The following TTC34 variants were observed in gnomAD, a reference collection of about 807,000 sequenced individuals.
TTC34 encodes tetratricopeptide repeat protein 34.
Under a neutral mutation model 40.7 loss-of-function variants are expected in TTC34, and 44 were observed. That is an observed-to-expected ratio of 1.08 (90% confidence interval 0.85 to 1.39). TTC34 has a LOEUF of 1.39. TTC34 is among the 40% of genes most tolerant of loss of function. The probability of loss-of-function intolerance (pLI) is 0.00; values close to 1 mark genes in which losing one functional copy is unlikely to be tolerated. For synonymous variants in TTC34, 422 were observed against 398.6 expected (o/e 1.06, Z -0.70); for missense variants, 884 against 838.0 (o/e 1.05, Z -0.68).
At chr1:2,790,371 G>T in intron 2 of TTC34, 25 bp from the exon 3 acceptor site, 1 of 398,566 alleles carries the variant, frequency 2.5e-6, no homozygotes, top group Non-Finnish European at 4.4e-6. Flanking sequence ...AGAGGCGTGG[G>T]TTCTGCCTGG....
chr1:2,798,694 C>T (rs1485991264), intron 2 of TTC34, among the ~76,000 whole-genome samples: 3 of 128,772 alleles, frequency 2.3e-5, no homozygotes, highest in Admixed American at 2.3e-4. Context: ...AGCTCCCCAG[C>T]CCCCCAGCGT....
intron 6 of TTC34, among the ~76,000 whole-genome samples, chr1:2,756,508 C>CA (rs1641510985): frequency 1.5e-4 from 22 of 146,970 alleles, no homozygotes; most frequent in African/African-American, 3.8e-4. Flanking sequence ...CATCCTGCAC[C>CA]CCAGGGTGAG....
chr1:2,698,763 C>T (rs1371092318), intron 6 of TTC34, among the ~76,000 whole-genome samples: 15 of 149,372 alleles, frequency 1.0e-4, no homozygotes, highest in African/African-American at 3.0e-4. Flanking sequence ...GAGCAGGACC[C>T]ACACCCCCAG....
intron 6 of TTC34, among the ~76,000 whole-genome samples, chr1:2,691,451 C>A (rs565421920): frequency 1.1e-5 from 1 of 93,006 alleles, no homozygotes; most frequent in East Asian, 3.1e-4. Flanking sequence ...CAACCTGGAG[C>A]AGCACCCACA....
At chr1:2,749,724 A>T (rs1240641727) in intron 6 of TTC34, among the ~76,000 whole-genome samples, 1 of 23,142 alleles carries the variant, frequency 4.3e-5, no homozygotes, top group East Asian at 1.6e-3. Context: ...AGCACGCACA[A>T]CCCCAGGTGA....
Position 2,759,476 on chromosome 1 carries a change from C to A in TTC34, c.2226+24133G>T, listed in dbSNP as rs1438999154. 3.0e-4 allele frequency among the ~76,000 whole-genome samples: 35 copies of A among 115,838 alleles called. 2 individuals are homozygous for A. The highest frequency in any genetic ancestry group is 1.3e-3 in the African/African-American group (35 of 27,012). 76.0% of individuals were successfully genotyped at this position (115,838 alleles called of 152,430 possible). A position where few individuals can be genotyped will look rare whatever the true frequency, so the allele number is the denominator to read the frequency against. On this transcript the variant is annotated intron_variant, in intron 6 of 8. Coordinates refer to ENST00000401095, the Ensembl canonical transcript of TTC34. ...TCTGACAGCCTGGAGCAGCACCCCA[C>A]ACCCCCAGGTGAGCATCGGGCAGCC...
At position 2,645,454 on chromosome 1, in the gene TTC34, T is replaced by C. The variant is rs1427418043; in HGVS notation, c.2336A>G (p.Tyr779Cys). The C allele has an allele frequency of 1.3e-6, 2 of 1,534,598 alleles. No individual in the cohort carries two copies. The highest frequency in any genetic ancestry group is 2.5e-5 in the East Asian group (1 of 40,814). ...GCTCAGAAGGGCCCGGCAGTGGGAG[T>C]AGAGGCCCTGTGTGATGAGGGCCTG... The change falls in exon 7 of 9, where the codon TAC becomes TGC. Residue 779 changes from tyrosine to cysteine, a missense_variant. Physicochemically the swap from Tyr to Cys is radical, Grantham distance 194 (BLOSUM62 -2). Transcript: ENST00000401095. This position sits in a 1 kb window ranked among gnomAD's most constrained non-coding sequence, Gnocchi z 4.7.
intron 6 of TTC34, among the ~76,000 whole-genome samples, chr1:2,688,203 C>T (rs1441017610): frequency 2.4e-3 from 339 of 139,156 alleles, no homozygotes; most frequent in African/African-American, 8.5e-3. Flanking sequence ...GAGCAGCACC[C>T]CACACCCCCA....
chr1:2,782,183 T>G (rs1307236086), intron 6 of TTC34, among the ~76,000 whole-genome samples: 1 of 152,244 alleles, frequency 6.6e-6, no homozygotes, highest in African/African-American at 2.4e-5. Context: ...TTTTTACTAG[T>G]TATAGGTCTA....
At chr1:2,671,260 AGCCT>A (rs1416172334) in intron 6 of TTC34, among the ~76,000 whole-genome samples, 1 of 2,542 alleles carries the variant, frequency 3.9e-4, no homozygotes, top group African/African-American at 9.4e-4. Context: ...CTGTAACAGC[AGCCT>A]GCACCCCCAG....
At chr1:2,640,275 A>C (rs889696087) in exon 9 of TTC34, 43 of 152,348 alleles carry the variant, frequency 2.8e-4, no homozygotes, top group African/African-American at 1.0e-3. Context: ...CTGAGGCCTC[A>C]GTCTGTGACA....
chr1:2,691,703 T>C (rs1049933937), intron 6 of TTC34, among the ~76,000 whole-genome samples: 408 of 36,294 alleles, frequency 0.011, no homozygotes, highest in East Asian at 0.013. Context: ...AGCACCCACA[T>C]CCCCAGGTGA....
intron 6 of TTC34, among the ~76,000 whole-genome samples, chr1:2,652,354 C>A (rs200339338): frequency 4.7e-4 from 5 of 10,666 alleles, no homozygotes; most frequent in East Asian, 5.6e-3. Flanking sequence ...TATCCTGGAA[C>A]AGCACGCACA....
At chr1:2,759,892 C>A (rs1220209705) in intron 6 of TTC34, among the ~76,000 whole-genome samples, 1 of 57,208 alleles carries the variant, frequency 1.7e-5, no homozygotes, top group Admixed American at 1.7e-4. Flanking sequence ...CTCAGGTGAG[C>A]ATCTGACAGC....
intron 5 of TTC34, among the ~76,000 whole-genome samples, chr1:2,785,129 C>T: frequency 6.6e-6 from 1 of 152,254 alleles, no homozygotes; most frequent in Non-Finnish European, 1.5e-5. Context: ...CGCTGCCATC[C>T]CCCTTTGGGA....
chr1:2,688,936 C>T lies in TTC34; in HGVS notation c.2227-43373G>A, dbSNP rs538620939. The stretch of plus-strand genomic sequence containing the variant: ...CAGCCTGGAGCAGCACCCACATCCC[C>T]AGGTGAGCATCTGACAGCCTGGAAC... On this transcript the variant is annotated intron_variant, in intron 6 of 8. Coordinates refer to ENST00000401095, the Ensembl canonical transcript of TTC34. 3.8e-5 allele frequency among the ~76,000 whole-genome samples: 2 copies of T among 53,256 alleles called. 1 individual carries two copies. Among genetic ancestry groups the T allele is most frequent in the South Asian group, 1.3e-3 (2 of 1,600 alleles). 34.9% of individuals were successfully genotyped at this position (53,256 alleles called of 152,430 possible).
chr1:2,784,610 G>A (rs1434349978), intron 5 of TTC34, among the ~76,000 whole-genome samples: 6 of 152,168 alleles, frequency 3.9e-5, no homozygotes, highest in Admixed American at 3.9e-4. Flanking sequence ...CCTTATGCGG[G>A]TGTGACAGAG....
At position 2,682,062 on chromosome 1, in the gene TTC34, C is replaced by A. The variant is rs1261965600; in HGVS notation, c.2227-36499G>T. On this transcript the variant is annotated intron_variant, in intron 6 of 8. Transcript: ENST00000401095. ...CATCTGACATTGTGGAGCAGCACCC[C>A]ACACCCACAGGTGAGCATCTGACAG... Among the ~76,000 whole-genome samples the A allele has an allele frequency of 1.6e-3, 189 of 119,972 alleles. 13 individuals carry two copies. Among genetic ancestry groups the A allele is most frequent in the East Asian group, 1.3e-3 (5 of 3,892 alleles). The allele number at this position is 119,972 out of a possible 152,430, so 78.7% of individuals were successfully genotyped here. A position where few individuals can be genotyped will look rare whatever the true frequency, so the allele number is the denominator to read the frequency against.
chr1:2,687,688 C>A (rs1393126897), intron 6 of TTC34, among the ~76,000 whole-genome samples: 2 of 151,874 alleles, frequency 1.3e-5, no homozygotes, highest in Non-Finnish European at 1.5e-5. Context: ...CACGCACACC[C>A]CCAGTTGAGC....
Sources: gnomAD v4.1 joint callset for allele counts (sites outside exome capture counted in the v4.1 genomes callset) on GRCh38, gnomAD v4.1.1 for gene constraint, Gnocchi (gnomAD v3.1) non-coding constraint, MANE v1.5 for transcripts, NCBI Gene and HGNC (gene_info 2026-07-23, HGNC 2026-07-21) for gene names.